The following ARHGEF10 variants were observed in gnomAD, a reference collection of about 807,000 sequenced individuals.
ARHGEF10 encodes the protein Rho guanine nucleotide exchange factor (GEF) 10.
Under a neutral mutation model 147.4 loss-of-function variants are expected in ARHGEF10, and 140 were observed. The ratio of observed to expected loss-of-function variants is 0.95; its 90% confidence interval spans 0.83 to 1.09. The LOEUF is 1.09. Ranked by LOEUF, ARHGEF10 falls within the 50% of genes least tolerant of loss-of-function variation. The probability of loss-of-function intolerance (pLI) is 0.00; values close to 1 mark genes in which losing one functional copy is unlikely to be tolerated. For synonymous variants in ARHGEF10, 902 were observed against 695.8 expected (o/e 1.30, Z -4.67); for missense variants, 2,222 against 1,752.7 (o/e 1.27, Z -4.78).
rs1563190986 is a variant in ARHGEF10, at chr8:1,860,190, G to C, written c.481+6G>C. 6.2e-7 allele frequency: 1 copy of C among 1,611,688 alleles called. No individual in the cohort carries two copies. Among genetic ancestry groups the C allele is most frequent in the African/African-American group, 1.3e-5 (1 of 74,994 alleles). On this transcript the variant is annotated splice_donor_region_variant and intron_variant, in intron 4 of 28. Coordinates refer to ENST00000349830, the MANE Select transcript of ARHGEF10 (RefSeq NM_014629.4). ...CACGTCCCTGGACGAAGAAGGTACT[G>C]CTACCCTCCTCTCCACGCCCCCGAA...
intron 1 of ARHGEF10, among the ~76,000 whole-genome samples, chr8:1,838,523 G>A (rs77581668): frequency 0.057 from 8,758 of 152,322 alleles, 371 homozygotes; most frequent in African/African-American, 0.11. Flanking sequence ...TGTGCACGCC[G>A]GAGGCAGTCC....
rs1815709235 is a variant in ARHGEF10 at position 1,957,977 on chromosome 8, T to G, written c.*714T>G. ...AAATAATGTTTGCTTTGAACCAAAA[T>G]GCTCAGTGCCTATCAACATTTGGAC... On this transcript the variant is annotated 3_prime_UTR_variant, in exon 29 of 29. Transcript: ENST00000349830. 1 of 152,320 alleles carries G rather than the reference T, an allele frequency of 6.6e-6. No homozygotes were observed. 9.4% of individuals were successfully genotyped at this position (152,320 alleles called of 1,614,324 possible).
intron 17 of ARHGEF10, among the ~76,000 whole-genome samples, chr8:1,908,438 T>C (rs1021544790): frequency 9.9e-5 from 15 of 152,106 alleles, no homozygotes; most frequent in Non-Finnish European, 1.9e-4. Flanking sequence ...GTCACTGTGT[T>C]AGCCAGGATG....
chr8:1,892,277 C>CTG (rs66526026), intron 11 of ARHGEF10, among the ~76,000 whole-genome samples: 14,171 of 126,476 alleles, frequency 0.11, 837 homozygotes, highest in Non-Finnish European at 0.13. Flanking sequence ...GCTTCTGGCT[C>CTG]TGTGTGTGTG....
intron 25 of ARHGEF10, 126 bp downstream of exon 25, chr8:1,929,569 C>T: frequency 1.7e-6 from 2 of 1,178,260 alleles, no homozygotes; most frequent in Middle Eastern, 3.0e-4. Context: ...CGCCCCTGCG[C>T]TCGTCACCCT....
At chr8:1,872,370 G>A (rs1232709851) in intron 7 of ARHGEF10, among the ~76,000 whole-genome samples, 1 of 152,204 alleles carries the variant, frequency 6.6e-6, no homozygotes, top group African/African-American at 2.4e-5. Flanking sequence ...CGCATGCACT[G>A]TTCCAGTGAA....
chr8:1,879,603 A>T (rs1016622998), intron 8 of ARHGEF10, among the ~76,000 whole-genome samples: 4 of 149,516 alleles, frequency 2.7e-5, no homozygotes, highest in Non-Finnish European at 5.9e-5. Flanking sequence ...GCCAGGCTGG[A>T]GGGCAGTGGC....
Position 1,871,449 on chromosome 8 carries a change from GA to G in ARHGEF10, c.679+2201del, listed in dbSNP as rs369491926. On this transcript the variant is annotated intron_variant, in intron 7 of 28. Transcript: ENST00000349830. ...AATGGAAATGAAAATATTTTGTCTTGAATAATAATAAAAACATTACATAAAC... is the reference window on the plus strand; with the variant it reads ...AATGGAAATGAAAATATTTTGTCTTGATAATAATAAAAACATTACATAAAC... 3.7e-4 allele frequency among the ~76,000 whole-genome samples: 56 copies of G among 152,166 alleles called. No individual in the cohort carries two copies. In the Middle Eastern group the frequency reaches 0.014, roughly 37 times the overall value.
intron 23 of ARHGEF10, among the ~76,000 whole-genome samples, chr8:1,928,183 T>A (rs1169553366): frequency 6.6e-6 from 1 of 152,228 alleles, no homozygotes; most frequent in African/African-American, 2.4e-5. Flanking sequence ...AGTATAGAAA[T>A]GTGACTTTGT....
chr8:1,931,866 A>T (rs1813178205), intron 25 of ARHGEF10, among the ~76,000 whole-genome samples: 1 of 152,204 alleles, frequency 6.6e-6, no homozygotes, highest in Admixed American at 6.5e-5. Flanking sequence ...CAAGAAAGAC[A>T]AGCCCACACT....
chr8:1,875,130 G>A (rs1471826319), intron 7 of ARHGEF10, among the ~76,000 whole-genome samples: 1 of 23,288 alleles, frequency 4.3e-5, no homozygotes, highest in Non-Finnish European at 9.9e-5. Context: ...AGACACACCC[G>A]GGGCCGTGTA....
chr8:1,918,316 C>G (rs1811911006), intron 18 of ARHGEF10, among the ~76,000 whole-genome samples: 1 of 152,114 alleles, frequency 6.6e-6, no homozygotes, highest in African/African-American at 2.4e-5. Context: ...TATGAACTGT[C>G]TGATGATCCG....
At chr8:1,953,525 G>A (rs1359149338) in intron 28 of ARHGEF10, among the ~76,000 whole-genome samples, 1 of 152,264 alleles carries the variant, frequency 6.6e-6, no homozygotes, top group Non-Finnish European at 1.5e-5. Context: ...CTTAAAACAT[G>A]CTTGTGTGTC....
chr8:1,881,393 C>T (rs1414916568), intron 9 of ARHGEF10, among the ~76,000 whole-genome samples: 1 of 152,202 alleles, frequency 6.6e-6, no homozygotes, highest in Non-Finnish European at 1.5e-5. Context: ...CAGCCCAAAT[C>T]TGGGGTTGAG....
intron 4 of ARHGEF10, 41 bp from the exon 5 acceptor site, chr8:1,864,332 G>T (rs752266872): frequency 3.1e-6 from 5 of 1,601,672 alleles, no homozygotes; most frequent in Non-Finnish European, 3.4e-6. Flanking sequence ...GAGCATTTTT[G>T]TCAGGCGTAA....
intron 18 of ARHGEF10, among the ~76,000 whole-genome samples, chr8:1,918,046 C>T (rs1373684342): frequency 6.6e-6 from 1 of 152,132 alleles, no homozygotes; most frequent in Non-Finnish European, 1.5e-5. Context: ...CCTTGGCCTC[C>T]CAAAGTGCTG....
intron 6 of ARHGEF10, 46 bp downstream of exon 6, chr8:1,866,648 C>T: frequency 2.6e-6 from 4 of 1,566,678 alleles, no homozygotes; most frequent in Non-Finnish European, 3.5e-6. Flanking sequence ...CCACGCTCCA[C>T]AGACGTCACT....
chr8:1,926,851 A>G (rs1812729663), intron 23 of ARHGEF10: 1 of 312,396 alleles, frequency 3.2e-6, no homozygotes, highest in Non-Finnish European at 6.1e-6. Flanking sequence ...ATTTGTTCCA[A>G]ATGAAATATT....
chr8:1,928,945 T>TC (rs1003776849), intron 24 of ARHGEF10, among the ~76,000 whole-genome samples: 1 of 152,004 alleles, frequency 6.6e-6, no homozygotes, highest in African/African-American at 2.4e-5. Flanking sequence ...AAAAGGACAT[T>TC]CCCCCCTTAT....
Sources: allele counts gnomAD v4.1 joint callset (sites outside exome capture counted in the v4.1 genomes callset), GRCh38; gene constraint gnomAD v4.1.1; transcripts MANE v1.5; gene names NCBI Gene and HGNC (gene_info 2026-07-23, HGNC 2026-07-21).